Variants in MYT1L observed in about 807,000 individuals in gnomAD.
The protein encoded by MYT1L is myelin transcription factor 1-like protein.
A neutral mutation model predicts 126.7 loss-of-function variants in MYT1L; 12 were observed. The ratio of observed to expected loss-of-function variants is 0.09; its 90% CI spans 0.06 to 0.15. MYT1L has a LOEUF of 0.15. Among genes scored for constraint, MYT1L ranks in the 10% least tolerant of loss-of-function variants. MYT1L has a pLI of 1.00. For missense variants in MYT1L, 979 were observed against 1,585.2 expected (o/e 0.62, Z 6.49); for synonymous variants, 541 against 604.2 (o/e 0.90, Z 1.53).
chr2:1,986,698 G>T (rs532880733), intron 5 of MYT1L, among the ~76,000 whole-genome samples: 23 of 152,264 alleles, frequency 1.5e-4, no homozygotes, highest in African/African-American at 5.3e-4. Context: ...CCCACAAGAA[G>T]AACTTTTGGG....
chr2:2,131,906 T>A (rs944120267), intron 3 of MYT1L, among the ~76,000 whole-genome samples: 1 of 78,428 alleles, frequency 1.3e-5, no homozygotes, highest in African/African-American at 8.0e-5. Flanking sequence ...GAGTTCATCC[T>A]TTTTTTTTTT....
At position 2,059,593 on chromosome 2, in the gene MYT1L, G is replaced by A. The variant is rs893421492; in HGVS notation, c.-303-5470C>T. Among the ~76,000 whole-genome samples, 5 of 152,174 alleles carry A rather than the reference G, an allele frequency of 3.3e-5. No homozygotes were observed. The highest frequency in any genetic ancestry group is 2.1e-4 in the South Asian group (1 of 4,826). On this transcript the variant is annotated intron_variant, in intron 3 of 24. Transcript: ENST00000647738. This position sits in a 1 kb window ranked among gnomAD's most constrained non-coding sequence, Gnocchi z 4.7. ...GCCTTGCACCAAAGCACAAACGGAC[G>A]CAGGACTGCAGTTCGGCAGGGGGCA...
chr2:2,176,016 A>G (rs1559232915), intron 2 of MYT1L, among the ~76,000 whole-genome samples: 1 of 152,172 alleles, frequency 6.6e-6, no homozygotes, highest in African/African-American at 2.4e-5. Flanking sequence ...TTTCCTTTGT[A>G]CCAAGTTAAA....
intron 2 of MYT1L, among the ~76,000 whole-genome samples, chr2:2,236,848 T>C (rs1221872788): frequency 1.4e-5 from 2 of 147,732 alleles, no homozygotes; most frequent in Non-Finnish European, 3.0e-5. Context: ...AGTTTCGCTC[T>C]TGTTGCCCAG....
chr2:2,244,757 C>A (rs2149169904), intron 2 of MYT1L, among the ~76,000 whole-genome samples: 1 of 152,294 alleles, frequency 6.6e-6, no homozygotes, highest in Middle Eastern at 3.4e-3. Flanking sequence ...CACGATACCT[C>A]CATAGGGTGA....
chr2:1,863,205 C>G (rs1003027101), intron 18 of MYT1L, among the ~76,000 whole-genome samples: 1 of 152,188 alleles, frequency 6.6e-6, no homozygotes, highest in Admixed American at 6.5e-5. Flanking sequence ...CCAAAGATCC[C>G]TAACTCAGGA....
chr2:2,109,421 TAGG>T (rs982716235), intron 3 of MYT1L, among the ~76,000 whole-genome samples: 2 of 151,658 alleles, frequency 1.3e-5, no homozygotes, highest in Non-Finnish European at 2.9e-5. Context: ...GCGCCAGAGG[TAGG>T]AGGTGAATTG....
At chr2:2,064,777 A>G (rs2071005940) in intron 3 of MYT1L, among the ~76,000 whole-genome samples, 1 of 152,176 alleles carries the variant, frequency 6.6e-6, no homozygotes, top group East Asian at 1.9e-4. Flanking sequence ...ATTTCAGAAA[A>G]GCTTGTTGGA....
chr2:2,034,258 C>T (rs910077057), intron 4 of MYT1L, among the ~76,000 whole-genome samples: 2 of 152,020 alleles, frequency 1.3e-5, no homozygotes, highest in East Asian at 1.9e-4. Flanking sequence ...CAACTTCATG[C>T]GGGTGCAGAA....
At chr2:1,895,746 C>T (rs972692443) in intron 14 of MYT1L, among the ~76,000 whole-genome samples, 8 of 152,108 alleles carry the variant, frequency 5.3e-5, no homozygotes, top group Admixed American at 5.2e-4. Flanking sequence ...AGAAGAAAAC[C>T]TAGGAAATAC....
chr2:2,210,421 G>A lies in MYT1L; in HGVS notation c.-420-37433C>T, dbSNP rs1056129954. Among the ~76,000 whole-genome samples the A allele has an allele frequency of 3.9e-5, 6 of 152,238 alleles. No homozygotes were observed. The East Asian group carries it at 7.7e-4, about 20-fold the overall frequency. ...TTTAATTCACTTTAATTTGATTTTT[G>A]TATAAAGCAAGAGATAAGGGTCAAG... On this transcript the variant is annotated intron_variant, in intron 2 of 24. Coordinates refer to ENST00000647738, the MANE Select transcript of MYT1L (RefSeq NM_001303052.2).
intron 2 of MYT1L, among the ~76,000 whole-genome samples, chr2:2,222,217 G>A (rs1040554578): frequency 2.0e-5 from 3 of 152,158 alleles, no homozygotes; most frequent in African/African-American, 7.2e-5. Flanking sequence ...TTGGGGCTGG[G>A]CATGTGGCTC....
At chr2:2,013,082 C>A (rs1010868214) in intron 4 of MYT1L, among the ~76,000 whole-genome samples, 1 of 152,004 alleles carries the variant, frequency 6.6e-6, no homozygotes, top group Admixed American at 6.6e-5. Flanking sequence ...GGAGAACACG[C>A]GATTCTAGAA....
At chr2:2,250,596 T>C (rs1895136) in intron 2 of MYT1L, among the ~76,000 whole-genome samples, 87,251 of 150,096 alleles carry the variant, frequency 0.58, 25,963 homozygotes, top group East Asian at 0.91. Flanking sequence ...GGCCTAGTTA[T>C]TTGATAGCAC....
chr2:2,014,321 A>G (rs2064148336), intron 4 of MYT1L, among the ~76,000 whole-genome samples: 2 of 151,864 alleles, frequency 1.3e-5, no homozygotes, highest in Admixed American at 1.3e-4. Context: ...GGCGGTCTCC[A>G]AGTTCCTTCC....
chr2:2,004,081 A>G (rs567711419), intron 4 of MYT1L, among the ~76,000 whole-genome samples: 48 of 109,012 alleles, frequency 4.4e-4, no homozygotes, highest in African/African-American at 9.1e-4. Flanking sequence ...TTTCCTGCAT[A>G]TGTTCTTTCC....
intron 18 of MYT1L, among the ~76,000 whole-genome samples, chr2:1,870,363 G>A (rs1006037993): frequency 1.3e-5 from 2 of 152,142 alleles, no homozygotes; most frequent in African/African-American, 4.8e-5. Flanking sequence ...CTCCCTCCCT[G>A]TTCTGTGTGG....
intron 3 of MYT1L, among the ~76,000 whole-genome samples, chr2:2,103,023 T>A (rs1456406976): frequency 6.6e-6 from 1 of 152,144 alleles, no homozygotes; most frequent in Non-Finnish European, 1.5e-5. Flanking sequence ...TATTTAGCGC[T>A]AATTGAGAAT....
At chr2:2,063,432 G>C (rs1048967023) in intron 3 of MYT1L, among the ~76,000 whole-genome samples, 1 of 152,174 alleles carries the variant, frequency 6.6e-6, no homozygotes, top group African/African-American at 2.4e-5. Flanking sequence ...GGGGCCTTCT[G>C]ACCTGTCGGG....
Sources: allele counts gnomAD v4.1 joint callset (sites outside exome capture counted in the v4.1 genomes callset), GRCh38; gene constraint gnomAD v4.1.1; non-coding constraint Gnocchi (gnomAD v3.1); transcripts MANE v1.5; gene names NCBI Gene and HGNC (gene_info 2026-07-23, HGNC 2026-07-21).